The following ZKSCAN3 variants were observed in gnomAD, a reference collection of about 807,000 sequenced individuals.
The protein encoded by ZKSCAN3 is zinc finger with KRAB and SCAN domains 3.
ZKSCAN3 carries 21 observed loss-of-function variants against 30.7 expected under a neutral mutation model. The ratio of observed to expected loss-of-function variants is 0.68; its 90% CI spans 0.49 to 0.99. ZKSCAN3 has a LOEUF of 0.99. Among genes scored for constraint, ZKSCAN3 ranks in the 50% least tolerant of loss-of-function variants. The pLI is 0.00. For synonymous variants in ZKSCAN3, 201 were observed against 246.7 expected (o/e 0.81, Z 1.73); for missense variants, 507 against 647.1 (o/e 0.78, Z 2.35).
chr6:28,361,549 TG>T, intron 3 of ZKSCAN3, 78 bp downstream of exon 3: 1 of 1,507,236 alleles, frequency 6.6e-7, no homozygotes, highest in Non-Finnish European at 8.9e-7. Context: ...CAAAATTCAT[TG>T]ATAGGGGGCT....
At chr6:28,360,730 C>T in intron 2 of ZKSCAN3, 2 of 985,394 alleles carry the variant, frequency 2.0e-6, no homozygotes, top group Non-Finnish European at 2.4e-6. Flanking sequence ...CACCCAAGGC[C>T]TGTAACAGTG....
In ZKSCAN3 at chr6:28,351,726, C is replaced by T. The variant is rs1765031039; in HGVS notation, c.-63+1659C>T. ...CTCCCTCCTTTCTTTGTCTTCCTTT[C>T]CTTCCCTCCCTCTCCCCCTCTTTAT... On this transcript the variant is annotated intron_variant, in intron 1 of 5. Coordinates refer to ENST00000252211, the MANE Select transcript of ZKSCAN3 (RefSeq NM_024493.4). This position sits in a 1 kb window ranked among gnomAD's most constrained non-coding sequence, Gnocchi z 4.6. 6.6e-6 allele frequency among the ~76,000 whole-genome samples: 1 copy of T among 151,542 alleles called. No homozygotes were observed. The highest frequency in any genetic ancestry group is 1.9e-4 in the East Asian group (1 of 5,174).
At chr6:28,365,076 T>C (rs1353877496) in intron 5 of ZKSCAN3, among the ~76,000 whole-genome samples, 16 of 151,926 alleles carry the variant, frequency 1.1e-4, no homozygotes, top group Admixed American at 1.0e-3. Context: ...TATCTAATCC[T>C]AGGTGCATGG....
rs62638674 is a variant in ZKSCAN3, at chr6:28,359,751, G to A, written c.165G>A (p.Pro55=). The A allele has an allele frequency of 8.5e-4, 1,366 of 1,614,206 alleles. 12 individuals carry two copies. The African/African-American group carries it at 0.012, about 15-fold the overall frequency. Residue 55 remains proline (P), a synonymous_variant, in exon 2 of 6, where the codon CCG becomes CCA. Transcript: ENST00000252211. The stretch of plus-strand genomic sequence containing the variant: ...AGCGCTTCCGAGGCTTCCGCTACCC[G>A]GAGGCTGCAGGCCCCCGCGAGGCGC... ...SRERFRGFRY[P]EAAGPREALS...
intron 3 of ZKSCAN3, among the ~76,000 whole-genome samples, chr6:28,362,287 T>C (rs1195639590): frequency 6.6e-6 from 1 of 152,190 alleles, no homozygotes; most frequent in African/African-American, 2.4e-5. Flanking sequence ...TGGGAAGTCT[T>C]ATGCAGAAAG....
chr6:28,368,150 G>A lies in ZKSCAN3; in HGVS notation c.*1865G>A, dbSNP rs1198719773. On this transcript the variant is annotated 3_prime_UTR_variant, in exon 6 of 6. Transcript: ENST00000252211. ...CCGTGTTTGATTTTTTGTTCTTGGC[G>A]ATAGTTTGCTGAGAATGATGAGACG... 2.6e-5 allele frequency: 4 copies of A among 151,156 alleles called. No individual in the cohort carries two copies. Among genetic ancestry groups the A allele is most frequent in the African/African-American group, 9.7e-5 (4 of 41,124 alleles). 9.4% of individuals were successfully genotyped at this position (151,156 alleles called of 1,614,324 possible).
intron 1 of ZKSCAN3, chr6:28,354,327 G>T (rs1433747321): frequency 4.6e-6 from 1 of 219,464 alleles, no homozygotes; most frequent in Non-Finnish European, 9.4e-6. Context: ...TTCCAAACTC[G>T]CTGAGTCACG....
intron 1 of ZKSCAN3, chr6:28,353,904 C>T (rs367662179): frequency 1.8e-4 from 80 of 455,968 alleles, no homozygotes; most frequent in African/African-American, 4.0e-4. Flanking sequence ...TACTGAGGTC[C>T]GAGGGGAGTT....
Position 28,363,805 on chromosome 6 carries a change from G to A in ZKSCAN3, c.747G>A (p.Leu249=). The A allele has an allele frequency of 6.2e-7, 1 of 1,613,714 alleles. No individual in the cohort carries two copies. Among genetic ancestry groups the A allele is most frequent in the South Asian group, 1.1e-5 (1 of 91,078 alleles). The change falls in exon 5 of 6, where the codon CTG becomes CTA. Residue 249 remains leucine (L), a synonymous_variant. Transcript: ENST00000252211. ...AAAAGCAGGAGAACCATGGCAGCCTGGTCTCCCTGGGTAAGACTAAAGGAC... is the reference window on the plus strand; with the variant it reads ...AAAAGCAGGAGAACCATGGCAGCCTAGTCTCCCTGGGTAAGACTAAAGGAC... ...RDEKQENHGS[L]VSLGDEKQTK...
intron 2 of ZKSCAN3, chr6:28,360,708 T>C (rs576985402): frequency 2.8e-5 from 28 of 985,332 alleles, no homozygotes; most frequent in Non-Finnish European, 3.1e-5. Context: ...GGTTCTTGAC[T>C]TGGGTCTGTT....
chr6:28,363,541 A>G, intron 4 of ZKSCAN3, 151 bp from the exon 5 acceptor site: 6 of 1,336,572 alleles, frequency 4.5e-6, no homozygotes, highest in Non-Finnish European at 6.2e-6. Flanking sequence ...GAGGTTGTTT[A>G]TCATTAACTT....
Position 28,363,401 on chromosome 6 carries a change from A to G in ZKSCAN3, c.633+16A>G, listed in dbSNP as rs761228117. 86 of 1,611,414 alleles carry G rather than the reference A, an allele frequency of 5.3e-5. No homozygotes were observed. Among genetic ancestry groups the G allele is most frequent in the Non-Finnish European group, 7.1e-5 (84 of 1,178,340 alleles). The stretch of plus-strand genomic sequence containing the variant: ...AGAGTCCCAGGTGAGCTGGAGCCCT[A>G]TCCCTCCCCCAATGCCCCTCACTAC... On this transcript the variant is annotated intron_variant, in intron 4 of 5. Transcript: ENST00000252211.
chr6:28,351,165 T>C lies in ZKSCAN3; in HGVS notation c.-63+1098T>C, dbSNP rs891583403. On this transcript the variant is annotated intron_variant, in intron 1 of 5. Coordinates refer to ENST00000252211, the MANE Select transcript of ZKSCAN3 (RefSeq NM_024493.4). This position sits in a 1 kb window ranked among gnomAD's most constrained non-coding sequence, Gnocchi z 4.6. ...TCAGTATATTTACTGATTTGATAAA[T>C]ACTTTGTGTTGGCAACCAATTTCCC... Among the ~76,000 whole-genome samples the C allele has an allele frequency of 5.3e-5, 8 of 152,236 alleles. No homozygotes were observed. The highest frequency in any genetic ancestry group is 7.3e-5 in the Non-Finnish European group (5 of 68,032).
upstream of ZKSCAN3, chr6:28,349,924 G>C (rs1162500279): frequency 6.6e-6 from 1 of 152,260 alleles, no homozygotes; most frequent in African/African-American, 2.4e-5. This position sits in a 1 kb window ranked among gnomAD's most constrained non-coding sequence, Gnocchi z 4.1. Context: ...AGTGGCTTCT[G>C]TGCCCCGCCC....
chr6:28,354,156 TTC>T, intron 1 of ZKSCAN3: 1 of 358,304 alleles, frequency 2.8e-6, no homozygotes, highest in Non-Finnish European at 5.5e-6. Context: ...AGATGGCCAG[TTC>T]TCTCTTACAG....
At chr6:28,359,460 TC>T (rs1278840403) in intron 1 of ZKSCAN3, 64 bp from the exon 2 acceptor site, 2 of 1,228,648 alleles carry the variant, frequency 1.6e-6, no homozygotes, top group Non-Finnish European at 2.2e-6. Flanking sequence ...GTCTCTGGGC[TC>T]CTGGGCAGGA....
rs955657610 is a variant in ZKSCAN3, at chr6:28,350,081, A to AGTGTGTGT, written c.-63+16_-63+17insGTGTGTGT. On this transcript the variant is annotated intron_variant, in intron 1 of 5. Transcript: ENST00000252211. The stretch of plus-strand genomic sequence containing the variant: ...CCCCGGGTAGAGGTGCGTTTGCAGG[A>AGTGTGTGT]GTATGTGTGTGTGTGTGTGTGTGTG... 3.0e-5 allele frequency: 3 copies of AGTGTGTGT among 100,278 alleles called. No individual in the cohort carries two copies. The highest frequency in any genetic ancestry group is 5.6e-5 in the Non-Finnish European group (3 of 53,376). The allele number at this position is 100,278 out of a possible 1,614,324, so 6.2% of individuals were successfully genotyped here.
rs1365013406 is a variant in ZKSCAN3 at position 28,366,867 on chromosome 6, G to A, written c.*582G>A. 1 of 152,550 alleles carries A rather than the reference G, an allele frequency of 6.6e-6. No homozygotes were observed. The highest frequency in any genetic ancestry group is 2.4e-5 in the African/African-American group (1 of 41,426). 9.4% of individuals were successfully genotyped at this position (152,550 alleles called of 1,614,324 possible). A position where few individuals can be genotyped will look rare whatever the true frequency, so the allele number is the denominator to read the frequency against. On this transcript the variant is annotated 3_prime_UTR_variant, in exon 6 of 6. Transcript: ENST00000252211. ...CTGACCTAGATTGTGACTCAATCTA[G>A]TGTGTTTCTTACCAAGTACATAGGC...
chr6:28,350,346 C>T (rs921271121), intron 1 of ZKSCAN3: 1 of 152,132 alleles, frequency 6.6e-6, no homozygotes, highest in Admixed American at 6.5e-5. Flanking sequence ...AGACAAGCCT[C>T]GAGAATGGGA....
Sources: allele counts gnomAD v4.1 joint callset (sites outside exome capture counted in the v4.1 genomes callset), GRCh38; gene constraint gnomAD v4.1.1; non-coding constraint Gnocchi (gnomAD v3.1); transcripts MANE v1.5; gene names NCBI Gene and HGNC (gene_info 2026-07-23, HGNC 2026-07-21).